Variants in NOD2 observed in about 807,000 individuals in gnomAD.
NOD2 encodes nucleotide-binding oligomerization domain-containing protein 2.
NOD2 carries 86 observed loss-of-function variants against 90.9 expected under a neutral mutation model. The ratio of observed to expected loss-of-function variants is 0.95; its 90% CI spans 0.79 to 1.13. NOD2 has a LOEUF of 1.13. Among genes scored for constraint, NOD2 ranks in the 50% most tolerant of loss-of-function variants. The pLI, the probability that NOD2 is intolerant of heterozygous loss-of-function variation, is 0.00. For synonymous variants in NOD2, 581 were observed against 554.6 expected (o/e 1.05, Z -0.67); for missense variants, 1,238 against 1,283.8 (o/e 0.96, Z 0.55).
intron 7 of NOD2, 150 bp from the exon 8 acceptor site, chr16:50,722,471 TG>T: frequency 1.3e-6 from 1 of 786,840 alleles, no homozygotes; most frequent in Non-Finnish European, 2.3e-6. Flanking sequence ...TCCACTTTGC[TG>T]GGACCAGGAG....
chr16:50,705,736 C>T (rs1378934401), intron 2 of NOD2, among the ~76,000 whole-genome samples: 1 of 152,158 alleles, frequency 6.6e-6, no homozygotes, highest in African/African-American at 2.4e-5. Flanking sequence ...TTTCAACTTT[C>T]TTGTTTTGGG....
At chr16:50,727,842 TC>T in intron 10 of NOD2, 1 of 369,202 alleles carries the variant, frequency 2.7e-6, no homozygotes, top group Non-Finnish European at 5.4e-6. Flanking sequence ...TCGCAGGGAT[TC>T]AGAAAGCTGT....
chr16:50,711,047 A>C lies in NOD2; in HGVS notation c.1055A>C (p.Asp352Ala). The C allele has an allele frequency of 6.2e-7, 1 of 1,614,054 alleles. No individual in the cohort carries two copies. Among genetic ancestry groups the C allele is most frequent in the Non-Finnish European group, 8.5e-7 (1 of 1,180,000 alleles). ...DHPDRVLLTF[D>A]GFDEFKFRFT... ...CCTGACCGTGTCCTGTTAACCTTTG[A>C]TGGCTTTGACGAGTTCAAGTTCAGG... The change falls in exon 4 of 12, where the codon GAT becomes GCT. Residue 352 changes from aspartate to alanine, a missense_variant. Transcript: ENST00000647318.
intron 2 of NOD2, among the ~76,000 whole-genome samples, chr16:50,707,457 T>C (rs1964249415): frequency 6.6e-6 from 1 of 152,206 alleles, no homozygotes; most frequent in South Asian, 2.1e-4. Context: ...AGGGAGACAG[T>C]TCAGGCTGGA....
At chr16:50,702,370 T>A (rs1023305754) in intron 2 of NOD2, among the ~76,000 whole-genome samples, 11 of 152,154 alleles carry the variant, frequency 7.2e-5, no homozygotes, top group African/African-American at 1.7e-4. Context: ...AGCAGGAGAT[T>A]TTGAAAGGAT....
chr16:50,730,570 T>A (rs920775284), intron 11 of NOD2, among the ~76,000 whole-genome samples: 2 of 152,232 alleles, frequency 1.3e-5, no homozygotes, highest in Non-Finnish European at 2.9e-5. Flanking sequence ...CTACTATATA[T>A]GTTCCAGGCA....
At chr16:50,713,194 T>A (rs1964619764) in intron 4 of NOD2, 1 of 152,420 alleles carries the variant, frequency 6.6e-6, no homozygotes, top group Non-Finnish European at 1.5e-5. Flanking sequence ...GGGATTGCCC[T>A]GCTTCTATTT....
rs1210188970 is a variant in NOD2, at chr16:50,719,944, A to G, written c.2569A>G (p.Thr857Ala). 5.6e-6 allele frequency: 9 copies of G among 1,614,024 alleles called. No individual in the cohort carries two copies. Among genetic ancestry groups the G allele is most frequent in the Non-Finnish European group, 7.6e-6 (9 of 1,179,968 alleles). The change falls in exon 7 of 12, where the codon ACT becomes GCT. Residue 857 changes from threonine (T) to alanine (A), a missense_variant. Thr to Ala is a moderately conservative substitution (Grantham distance 58). Coordinates refer to ENST00000647318, the MANE Select transcript of NOD2 (RefSeq NM_001370466.1). ...TTCCAGGCTGGGGAATAACTACATC[A>G]CTGCCGCGGGAGCCCAAGTGCTGGC... The part of the protein sequence containing the change: ...LALRLGNNYI[T>A]AAGAQVLAEG...
intron 3 of NOD2, among the ~76,000 whole-genome samples, chr16:50,708,243 A>G (rs1216818184): frequency 6.6e-6 from 1 of 152,242 alleles, no homozygotes; most frequent in East Asian, 1.9e-4. Flanking sequence ...GGTGTTACTT[A>G]CCATCCAAAC....
chr16:50,716,230 A>G (rs761426861), intron 4 of NOD2, among the ~76,000 whole-genome samples: 1 of 152,216 alleles, frequency 6.6e-6, no homozygotes, highest in Non-Finnish European at 1.5e-5. Flanking sequence ...TTTCGCATAT[A>G]TCAGCTCCTT....
At chr16:50,705,057 A>T (rs1964123246) in intron 2 of NOD2, among the ~76,000 whole-genome samples, 1 of 152,122 alleles carries the variant, frequency 6.6e-6, no homozygotes, top group Non-Finnish European at 1.5e-5. Flanking sequence ...TCAATGTTAG[A>T]ATTCCTTGAC....
intron 9 of NOD2, among the ~76,000 whole-genome samples, chr16:50,724,598 A>G (rs1427350658): frequency 6.6e-6 from 1 of 152,206 alleles, no homozygotes; most frequent in Non-Finnish European, 1.5e-5. Flanking sequence ...TTATATGGAT[A>G]TAGACTGATC....
intron 9 of NOD2, among the ~76,000 whole-genome samples, chr16:50,724,450 C>T (rs758105591): frequency 1.3e-5 from 2 of 152,206 alleles, no homozygotes; most frequent in Non-Finnish European, 2.9e-5. Flanking sequence ...GGGCAGCATT[C>T]AGAACTGGGA....
intron 4 of NOD2, among the ~76,000 whole-genome samples, chr16:50,714,907 C>T (rs1391214089): frequency 6.6e-6 from 1 of 152,166 alleles, no homozygotes; most frequent in East Asian, 1.9e-4. Context: ...AGAGAGCACG[C>T]ACCACCATGT....
At chr16:50,718,309 A>C (rs1964888518) in intron 6 of NOD2, among the ~76,000 whole-genome samples, 2 of 152,216 alleles carry the variant, frequency 1.3e-5, no homozygotes, top group African/African-American at 4.8e-5. Context: ...TGAGGTCGGC[A>C]GCTGGATGTC....
chr16:50,721,593 AGTGATC>A (rs1965064871), intron 7 of NOD2, among the ~76,000 whole-genome samples: 1 of 151,974 alleles, frequency 6.6e-6, no homozygotes, highest in Non-Finnish European at 1.5e-5. Context: ...CCTGAGCTCA[AGTGATC>A]TTCCTACCTC....
chr16:50,727,714 C>T (rs775700641), intron 10 of NOD2: 5 of 358,700 alleles, frequency 1.4e-5, no homozygotes, highest in South Asian at 2.3e-5. Flanking sequence ...GTGTGACATG[C>T]AGTCGGGTGT....
chr16:50,695,189 C>A (rs1423698902), intron 1 of NOD2, among the ~76,000 whole-genome samples: 3 of 151,724 alleles, frequency 2.0e-5, no homozygotes, highest in African/African-American at 7.3e-5. Flanking sequence ...AGAAGGAGAG[C>A]CCGTTGAGCG....
Position 50,707,887 on chromosome 16 carries a change from A to G in NOD2, c.492A>G (p.Lys164=), listed in dbSNP as rs1175125176. 6.2e-7 allele frequency: 1 copy of G among 1,614,156 alleles called. No homozygotes were observed. The highest frequency in any genetic ancestry group is 8.5e-7 in the Non-Finnish European group (1 of 1,179,976). The change falls in exon 3 of 12, where the codon AAA becomes AAG. Residue 164 remains lysine, a synonymous_variant. Coordinates refer to ENST00000647318, the MANE Select transcript of NOD2 (RefSeq NM_001370466.1). ...GGCTGCTTGATCTTGCCACGGTGAA[A>G]GCGAATGGATTGGCTGCCTTCCTTC... is the stretch of plus-strand genomic sequence containing the variant. ...ARRLLDLATV[K]ANGLAAFLLQ...
Sources: gnomAD v4.1 joint callset for allele counts (sites outside exome capture counted in the v4.1 genomes callset) on GRCh38, gnomAD v4.1.1 for gene constraint, MANE v1.5 for transcripts, NCBI Gene and HGNC (gene_info 2026-07-23, HGNC 2026-07-21) for gene names.